THSD4: variants seen among roughly 807,000 people sequenced by gnomAD.
THSD4 encodes thrombospondin type-1 domain-containing protein 4.
Under a neutral mutation model 119.0 loss-of-function variants are expected in THSD4, and 69 were observed. The ratio of observed to expected loss-of-function variants is 0.58; its 90% CI spans 0.48 to 0.71. THSD4 has a LOEUF of 0.71. THSD4 is among the 30% of genes least tolerant of loss of function. The probability of loss-of-function intolerance (pLI) is 0.00; values close to 1 mark genes in which losing one functional copy is unlikely to be tolerated. For missense variants in THSD4, 1,393 were observed against 1,391.1 expected (o/e 1.00, Z -0.02); for synonymous variants, 524 against 540.4 (o/e 0.97, Z 0.42).
Position 71,311,407 on chromosome 15 carries a change from G to C in THSD4, c.1015+54692G>C, listed in dbSNP as rs1055003824. On this transcript the variant is annotated intron_variant, in intron 6 of 17. Transcript: ENST00000261862. ...AAAGTCTATTGTTTTGGAAGATAAT[G>C]GGTTTTGGAAGACATCCGACATTCT... 9.2e-5 allele frequency among the ~76,000 whole-genome samples: 14 copies of C among 152,142 alleles called. 1 individual carries two copies. The highest frequency in any genetic ancestry group is 1.6e-4 in the Non-Finnish European group (11 of 68,040).
intron 7 of THSD4, among the ~76,000 whole-genome samples, chr15:71,444,495 A>G (rs1442480214): frequency 6.6e-6 from 1 of 152,202 alleles, no homozygotes; most frequent in East Asian, 1.9e-4. Context: ...TCTGTAGCCC[A>G]TGCCTCTCTC....
chr15:71,242,626 C>T, intron 4 of THSD4, 23 bp from the exon 5 acceptor site: 1 of 1,605,172 alleles, frequency 6.2e-7, no homozygotes. Context: ...TGATCATCTC[C>T]TCTCTTGTCT....
chr15:71,754,079 C>CTTTTTTTTTTTTTTTT (rs5813663), intron 14 of THSD4, among the ~76,000 whole-genome samples: 1 of 84,354 alleles, frequency 1.2e-5, no homozygotes, highest in South Asian at 4.0e-4. Flanking sequence ...ACCTTTTATT[C>CTTTTTTTTTTTTTTTT]TTTTTTTTTT....
chr15:71,723,357 G>C (rs1427638253), intron 8 of THSD4, among the ~76,000 whole-genome samples: 3 of 152,194 alleles, frequency 2.0e-5, no homozygotes, highest in Admixed American at 2.0e-4. Flanking sequence ...TGGATGGTCA[G>C]GATGATCCCA....
At chr15:71,700,379 AATGTACAAGAACC>A (rs998094015) in intron 8 of THSD4, among the ~76,000 whole-genome samples, 3 of 152,272 alleles carry the variant, frequency 2.0e-5, no homozygotes, top group African/African-American at 7.2e-5. Flanking sequence ...TGAAACAATA[AATGTACAAGAACC>A]ATAGGAAAGA....
Position 71,301,405 on chromosome 15 carries a change from A to G in THSD4, c.1015+44690A>G, listed in dbSNP as rs939706644. 1.2e-4 allele frequency among the ~76,000 whole-genome samples: 18 copies of G among 152,254 alleles called. No individual in the cohort carries two copies. The East Asian group carries it at 3.5e-3, about 29-fold the overall frequency. On this transcript the variant is annotated intron_variant, in intron 6 of 17. Transcript: ENST00000261862. ...TCCAAGTATCTCATTTATATTTATC[A>G]TAATATATTTTATTATTTTATTAGC...
chr15:71,708,265 CGAT>C (rs1567111799), intron 8 of THSD4, among the ~76,000 whole-genome samples: 2 of 152,146 alleles, frequency 1.3e-5, no homozygotes, highest in East Asian at 1.9e-4. Flanking sequence ...GTATTTTACA[CGAT>C]GATAATAAAA....
intron 6 of THSD4, among the ~76,000 whole-genome samples, chr15:71,273,588 TTAAC>T (rs1312935629): frequency 6.6e-6 from 1 of 152,204 alleles, no homozygotes; most frequent in African/African-American, 2.4e-5. Flanking sequence ...GATACGTTAA[TTAAC>T]CATATTTTCT....
intron 6 of THSD4, among the ~76,000 whole-genome samples, chr15:71,339,391 TC>T (rs2045533221): frequency 1.3e-5 from 2 of 152,060 alleles, no homozygotes; most frequent in South Asian, 4.2e-4. Flanking sequence ...TATTTAATTA[TC>T]CCCTCCCCCA....
chr15:71,184,147 TG>T (rs902959085), intron 3 of THSD4: 2 of 151,856 alleles, frequency 1.3e-5, no homozygotes, highest in African/African-American at 4.8e-5. Context: ...GCTGTTACAC[TG>T]AGGTTTCTGT....
intron 6 of THSD4, among the ~76,000 whole-genome samples, chr15:71,356,481 G>T (rs1407068612): frequency 6.6e-6 from 1 of 152,176 alleles, no homozygotes; most frequent in Non-Finnish European, 1.5e-5. Flanking sequence ...TTTCTCTGCT[G>T]TATCCCCAGA....
intron 3 of THSD4, among the ~76,000 whole-genome samples, chr15:71,172,976 G>A (rs1298318827): frequency 6.6e-6 from 1 of 151,678 alleles, no homozygotes; most frequent in African/African-American, 2.4e-5. Flanking sequence ...ATACAAGGAT[G>A]CCCACTTTTG....
chr15:71,345,850 T>TA (rs561243917), intron 6 of THSD4, among the ~76,000 whole-genome samples: 1 of 152,064 alleles, frequency 6.6e-6, no homozygotes, highest in Non-Finnish European at 1.5e-5. Context: ...ATATGGTAGT[T>TA]AAAGCCCTGT....
At chr15:71,275,578 C>A (rs746349171) in intron 6 of THSD4, among the ~76,000 whole-genome samples, 17 of 152,130 alleles carry the variant, frequency 1.1e-4, no homozygotes, top group Non-Finnish European at 1.9e-4. Flanking sequence ...TCAGCCCATG[C>A]TTTATATATT....
chr15:71,278,963 T>C (rs2044621504), intron 6 of THSD4, among the ~76,000 whole-genome samples: 1 of 152,214 alleles, frequency 6.6e-6, no homozygotes, highest in African/African-American at 2.4e-5. Context: ...GGAAACAGCT[T>C]TCATCTAAAG....
chr15:71,748,386 G>T (rs780406685), intron 13 of THSD4, 35 bp from the exon 14 acceptor site: 1 of 1,610,990 alleles, frequency 6.2e-7, no homozygotes, highest in Non-Finnish European at 8.5e-7. Context: ...AGCTGAAGCT[G>T]CTGGTTCCCC....
chr15:71,550,201 G>A (rs556475251), intron 7 of THSD4, among the ~76,000 whole-genome samples: 14 of 152,350 alleles, frequency 9.2e-5, no homozygotes, highest in Non-Finnish European at 2.1e-4. Flanking sequence ...ATTTGTCAGC[G>A]TGGGGAGCGT....
intron 7 of THSD4, among the ~76,000 whole-genome samples, chr15:71,647,463 C>A (rs2050993055): frequency 6.6e-6 from 1 of 152,186 alleles, no homozygotes; most frequent in Non-Finnish European, 1.5e-5. Context: ...TCTGACAATG[C>A]ATGGAACACA....
chr15:71,298,284 T>C (rs573095117), intron 6 of THSD4, among the ~76,000 whole-genome samples: 4 of 152,322 alleles, frequency 2.6e-5, no homozygotes, highest in African/African-American at 9.6e-5. Context: ...CAATTCTATT[T>C]CATTAATCTA....
Sources: allele counts gnomAD v4.1 joint callset (sites outside exome capture counted in the v4.1 genomes callset), GRCh38; gene constraint gnomAD v4.1.1; transcripts MANE v1.5; gene names NCBI Gene and HGNC (gene_info 2026-07-23, HGNC 2026-07-21).